The following BMPR1B variants were observed in gnomAD, a reference collection of about 807,000 sequenced individuals.
The protein encoded by BMPR1B is bone morphogenetic protein receptor type-1B.
In BMPR1B, 12 loss-of-function variants were observed where a neutral mutation model predicts 59.1. The ratio of observed to expected loss-of-function variants is 0.20; its 90% CI spans 0.13 to 0.33. The LOEUF is 0.33. BMPR1B is among the 10% of genes least tolerant of loss of function. The pLI is 1.00. For synonymous variants in BMPR1B, 237 were observed against 207.3 expected, an observed-to-expected ratio of 1.14 and a Z score of -1.23; for missense variants, 550 against 610.9, an observed-to-expected ratio of 0.90 and a Z score of 1.05.
intron 3 of BMPR1B, among the ~76,000 whole-genome samples, chr4:95,041,787 G>C (rs921395227): frequency 7.9e-5 from 12 of 152,094 alleles, no homozygotes; most frequent in Non-Finnish European, 1.8e-4. Flanking sequence ...GCACAGGGTG[G>C]CAGTGAGGAT....
intron 3 of BMPR1B, among the ~76,000 whole-genome samples, chr4:95,095,912 C>T (rs1431812687): frequency 6.6e-6 from 1 of 151,524 alleles, no homozygotes; most frequent in Non-Finnish European, 1.5e-5. Flanking sequence ...AAGAATATTA[C>T]TAAAACTAAA....
chr4:94,938,222 TA>T (rs1347410664), intron 2 of BMPR1B, among the ~76,000 whole-genome samples: 2 of 152,158 alleles, frequency 1.3e-5, no homozygotes, highest in Non-Finnish European at 2.9e-5. Flanking sequence ...CCATGGTTTT[TA>T]ACTGTACTAG....
intron 2 of BMPR1B, among the ~76,000 whole-genome samples, chr4:94,912,513 T>G (rs1422599668): frequency 6.6e-6 from 1 of 152,100 alleles, no homozygotes; most frequent in Non-Finnish European, 1.5e-5. Context: ...GTCCATCTGC[T>G]TTTTACCTAA....
At chr4:95,143,037 G>C (rs1006039488) in intron 10 of BMPR1B, among the ~76,000 whole-genome samples, 5 of 152,032 alleles carry the variant, frequency 3.3e-5, no homozygotes, top group African/African-American at 9.7e-5. Flanking sequence ...ACTGTTCCCT[G>C]AGTCCACTGG....
chr4:94,894,480 T>G (rs537096563), intron 2 of BMPR1B, among the ~76,000 whole-genome samples: 17 of 151,698 alleles, frequency 1.1e-4, no homozygotes, highest in African/African-American at 2.4e-4. Context: ...AATCCCTAAT[T>G]ACCATTTACA....
intron 3 of BMPR1B, among the ~76,000 whole-genome samples, chr4:95,007,452 TAGA>T (rs1196541786): frequency 6.6e-5 from 10 of 152,188 alleles, no homozygotes; most frequent in African/African-American, 2.4e-4. Flanking sequence ...TTAATCTAGT[TAGA>T]AGAACCTTTT....
intron 2 of BMPR1B, among the ~76,000 whole-genome samples, chr4:94,973,234 G>T (rs1461796375): frequency 1.3e-5 from 2 of 152,098 alleles, no homozygotes; most frequent in African/African-American, 4.8e-5. Context: ...TCACCCTTTT[G>T]CATGAGGTGG....
chr4:95,155,507 T>A lies in BMPR1B; in HGVS notation c.*834T>A, dbSNP rs962807006. Reference sequence around the variant, plus strand: ...TTTTTTTTTTTTTTTTTTTTTTTTTTAATGTGCAGAGGATTGACCTGTGCA... The same window carrying A: ...TTTTTTTTTTTTTTTTTTTTTTTTTAAATGTGCAGAGGATTGACCTGTGCA... On this transcript the variant is annotated 3_prime_UTR_variant, in exon 13 of 13. Transcript: ENST00000515059. 1 of 110,238 alleles carries A rather than the reference T, an allele frequency of 9.1e-6. No individual in the cohort carries two copies. Among genetic ancestry groups the A allele is most frequent in the South Asian group, 2.9e-4 (1 of 3,482 alleles). The allele number at this position is 110,238 out of a possible 1,614,324, so 6.8% of individuals were successfully genotyped here.
intron 3 of BMPR1B, among the ~76,000 whole-genome samples, chr4:95,053,929 A>G (rs1477212157): frequency 6.6e-6 from 1 of 152,176 alleles, no homozygotes; most frequent in African/African-American, 2.4e-5. Flanking sequence ...AACATCTAAC[A>G]TCCTTTACAA....
At chr4:95,086,455 T>C (rs1030707607) in intron 3 of BMPR1B, among the ~76,000 whole-genome samples, 8 of 152,198 alleles carry the variant, frequency 5.3e-5, no homozygotes, top group Non-Finnish European at 1.2e-4. Flanking sequence ...TAACCTAACA[T>C]TTAATTGTTT....
In BMPR1B at chr4:95,096,627, G is replaced by C. The variant is rs186434572; in HGVS notation, c.-17-7781G>C. On this transcript the variant is annotated intron_variant, in intron 3 of 12. Transcript: ENST00000515059. The stretch of plus-strand genomic sequence containing the variant: ...CTCTGAAAAATGAGAACCAATTTTA[G>C]AGTGGCTTCCAAAAGCCTTACTTTT... Among the ~76,000 whole-genome samples the C allele has an allele frequency of 2.0e-5, 3 of 149,700 alleles. No homozygotes were observed. In the East Asian group the frequency reaches 5.8e-4, roughly 29 times the overall value.
chr4:94,818,854 A>G (rs977594084), intron 1 of BMPR1B, among the ~76,000 whole-genome samples: 8 of 152,160 alleles, frequency 5.3e-5, no homozygotes, highest in African/African-American at 1.9e-4. Context: ...CTTATAGGCT[A>G]GGTGTGATGG....
At chr4:94,907,594 A>G (rs189583048) in intron 2 of BMPR1B, among the ~76,000 whole-genome samples, 2 of 152,110 alleles carry the variant, frequency 1.3e-5, no homozygotes, top group Non-Finnish European at 2.9e-5. Context: ...CTTCTGTCTC[A>G]GGGAAGCCCT....
At chr4:94,968,932 C>T (rs1027357927) in intron 2 of BMPR1B, among the ~76,000 whole-genome samples, 1 of 152,058 alleles carries the variant, frequency 6.6e-6, no homozygotes, top group African/African-American at 2.4e-5. Flanking sequence ...GCCAGATTTC[C>T]GTGATTTTCT....
chr4:94,964,018 TAC>T (rs1247911854), intron 2 of BMPR1B, among the ~76,000 whole-genome samples: 1 of 152,184 alleles, frequency 6.6e-6, no homozygotes, highest in African/African-American at 2.4e-5. Flanking sequence ...ATAAATGTTT[TAC>T]AGTTTTCACT....
At chr4:95,059,298 C>T (rs903993904) in intron 3 of BMPR1B, among the ~76,000 whole-genome samples, 4 of 152,198 alleles carry the variant, frequency 2.6e-5, no homozygotes, top group African/African-American at 9.7e-5. Flanking sequence ...CTTATCCACA[C>T]ACATATGTTT....
intron 1 of BMPR1B, among the ~76,000 whole-genome samples, chr4:94,787,752 G>A (rs974316768): frequency 1.3e-5 from 2 of 152,050 alleles, no homozygotes; most frequent in Non-Finnish European, 2.9e-5. Flanking sequence ...GGCTCTAGGC[G>A]AGAACTTAGA....
At chr4:95,146,202 G>A (rs3796447) in intron 10 of BMPR1B, among the ~76,000 whole-genome samples, 2,523 of 152,276 alleles carry the variant, frequency 0.017, 41 homozygotes, top group East Asian at 0.041. Context: ...TCTAGGGTGG[G>A]AGAGGAAGGG....
At chr4:94,786,230 G>C (rs939245350) in intron 1 of BMPR1B, among the ~76,000 whole-genome samples, 34 of 152,294 alleles carry the variant, frequency 2.2e-4, no homozygotes, top group African/African-American at 7.7e-4. Flanking sequence ...ACTTACCCCT[G>C]TGTGATTTGG....
Sources: gnomAD v4.1 joint callset for allele counts (sites outside exome capture counted in the v4.1 genomes callset) on GRCh38, gnomAD v4.1.1 for gene constraint, MANE v1.5 for transcripts, NCBI Gene and HGNC (gene_info 2026-07-23, HGNC 2026-07-21) for gene names.